Variants in PGM1 observed in about 807,000 individuals in gnomAD.
PGM1 encodes the protein phosphoglucomutase 1, also known as phosphoglucomutase-1.
A neutral mutation model predicts 55.6 loss-of-function variants in PGM1; 52 were observed. The observed-to-expected ratio is 0.94, with a 90% CI of 0.75 to 1.18. The LOEUF (loss-of-function observed/expected upper bound fraction) is 1.18. Among genes scored for constraint, PGM1 ranks in the 50% most tolerant of loss-of-function variants. The pLI, the probability that PGM1 is intolerant of heterozygous loss-of-function variation, is 0.00. For synonymous variants in PGM1, 287 were observed against 271.7 expected (o/e 1.06, Z -0.55); for missense variants, 724 against 729.3 (o/e 0.99, Z 0.08).
rs68091977 is a variant in PGM1, at chr1:63,659,449, CAT to C, written c.1600-136_1600-135del. The C allele has an allele frequency of 4.9e-3, 3,543 of 728,744 alleles. 91 individuals are homozygous for C. In the African/African-American group the frequency reaches 0.055, roughly 11 times the overall value. The allele number at this position is 728,744 out of a possible 1,614,324, so 45.1% of individuals were successfully genotyped here. A position where few individuals can be genotyped will look rare whatever the true frequency, so the allele number is the denominator to read the frequency against. On this transcript the variant is annotated intron_variant, in intron 10 of 10. Transcript: ENST00000371084. Reference sequence around the variant, plus strand: ...TGGAACTAGGTATTGGGGGAAATAACATGTGTTTGTTTTTGGATTTGTGGAGT... The same window carrying C: ...TGGAACTAGGTATTGGGGGAAATAACGTGTTTGTTTTTGGATTTGTGGAGT...
At chr1:63,602,032 G>A (rs959519687) in intron 1 of PGM1, among the ~76,000 whole-genome samples, 2 of 152,214 alleles carry the variant, frequency 1.3e-5, no homozygotes, top group Non-Finnish European at 2.9e-5. Context: ...GCGATAGGTG[G>A]TAGGACAGAA....
rs1486713378 is a variant in PGM1 at position 63,645,979 on chromosome 1, C to T, written c.1145-2538C>T. 5.3e-5 allele frequency among the ~76,000 whole-genome samples: 8 copies of T among 152,264 alleles called. No individual in the cohort carries two copies. In the East Asian group the frequency reaches 1.5e-3, roughly 29 times the overall value. Reference sequence around the variant, plus strand: ...AACAGATGGTTGAGACTCGAGGAGGCTGATGCCACCCCAGATGTTTTGTGC... The same window carrying T: ...AACAGATGGTTGAGACTCGAGGAGGTTGATGCCACCCCAGATGTTTTGTGC... On this transcript the variant is annotated intron_variant, in intron 7 of 10. Coordinates refer to ENST00000371084, the MANE Select transcript of PGM1 (RefSeq NM_002633.3).
intron 10 of PGM1, chr1:63,655,954 A>G (rs770591173): frequency 2.6e-5 from 4 of 152,274 alleles, no homozygotes; most frequent in Non-Finnish European, 5.9e-5. Context: ...TTGGAAACAG[A>G]GCAGGTCAAA....
rs1343814427 is a variant in PGM1, at chr1:63,659,630, G to C, written c.1644G>C (p.Gln548His). The C allele has an allele frequency of 1.2e-6, 2 of 1,614,076 alleles. No individual in the cohort carries two copies. The highest frequency in any genetic ancestry group is 3.3e-5 in the Admixed American group (2 of 60,022). Residue 548 changes from glutamine (Q) to histidine (H), a missense_variant, in exon 11 of 11, where the codon CAG becomes CAC. Transcript: ENST00000371084. ...PLISIALKVS[Q>H]LQERTGRTAP... is the part of the protein sequence containing the mutation. ...TTTCCATTGCTCTGAAAGTGTCCCA[G>C]CTGCAGGAGAGGACGGGACGCACTG...
chr1:63,653,381 T>C (rs1311562404), intron 9 of PGM1, among the ~76,000 whole-genome samples: 1 of 152,200 alleles, frequency 6.6e-6, no homozygotes, highest in Non-Finnish European at 1.5e-5. Flanking sequence ...CTTCCCATAG[T>C]GACTAACTGT....
At chr1:63,637,270 A>C (rs141840233) in intron 6 of PGM1, among the ~76,000 whole-genome samples, 120 of 152,334 alleles carry the variant, frequency 7.9e-4, no homozygotes, top group African/African-American at 2.7e-3. Flanking sequence ...CCATGAGGTA[A>C]ATGCTGTATT....
At chr1:63,594,966 A>AAAAG (rs1441228676) in intron 1 of PGM1, among the ~76,000 whole-genome samples, 21 of 148,946 alleles carry the variant, frequency 1.4e-4, no homozygotes, top group Non-Finnish European at 3.0e-4. Context: ...GTCTCAAAAA[A>AAAAG]AAAAAAAAAG....
chr1:63,629,647 C>T (rs545003850), intron 2 of PGM1, 60 bp downstream of exon 2: 1 of 1,530,036 alleles, frequency 6.5e-7, no homozygotes, highest in African/African-American at 1.4e-5. Flanking sequence ...AAATCAATAC[C>T]TGGAGCCTTG....
chr1:63,614,575 T>C (rs911384552), intron 1 of PGM1, among the ~76,000 whole-genome samples: 2 of 152,220 alleles, frequency 1.3e-5, no homozygotes, highest in South Asian at 2.1e-4. Flanking sequence ...GGTAGCATGA[T>C]AGTTACATGT....
At chr1:63,633,864 CTCTGTGTG>C (rs1649264663) in intron 4 of PGM1, among the ~76,000 whole-genome samples, 1 of 70,150 alleles carries the variant, frequency 1.4e-5, no homozygotes, top group Non-Finnish European at 2.7e-5. Flanking sequence ...GTGTCTGTGT[CTCTGTGTG>C]TGTGTGTGTG....
intron 1 of PGM1, among the ~76,000 whole-genome samples, chr1:63,596,706 A>G (rs969221335): frequency 6.6e-6 from 1 of 151,532 alleles, no homozygotes; most frequent in Non-Finnish European, 1.5e-5. Context: ...CATCCCTACC[A>G]CTCTTCTCCA....
At chr1:63,647,259 C>CACATATAT (rs1649673294) in intron 7 of PGM1, among the ~76,000 whole-genome samples, 1 of 55,446 alleles carries the variant, frequency 1.8e-5, no homozygotes, top group Non-Finnish European at 3.4e-5. Context: ...TAAAATTTTA[C>CACATATAT]ATATATATAT....
intron 4 of PGM1, among the ~76,000 whole-genome samples, chr1:63,633,567 C>G (rs573986858): frequency 6.6e-6 from 1 of 152,260 alleles, no homozygotes; most frequent in South Asian, 2.1e-4. Context: ...AAAATACTCT[C>G]TCAGCATTTC....
At chr1:63,652,616 T>C (rs527522180) in intron 9 of PGM1, among the ~76,000 whole-genome samples, 3 of 152,290 alleles carry the variant, frequency 2.0e-5, no homozygotes, top group African/African-American at 7.2e-5. Flanking sequence ...CATAATAGAA[T>C]AAAGAGCAGG....
At chr1:63,616,454 T>C (rs1226539977) in intron 1 of PGM1, among the ~76,000 whole-genome samples, 2 of 152,192 alleles carry the variant, frequency 1.3e-5, no homozygotes, top group East Asian at 1.9e-4. Flanking sequence ...GCCCTGTGAG[T>C]GCTCATAGCT....
intron 1 of PGM1, among the ~76,000 whole-genome samples, chr1:63,596,193 G>A (rs1270769929): frequency 6.6e-6 from 1 of 150,776 alleles, no homozygotes; most frequent in Non-Finnish European, 1.5e-5. Flanking sequence ...GTTCCTTCAT[G>A]GGCTGCACAT....
intron 4 of PGM1, among the ~76,000 whole-genome samples, chr1:63,633,904 GTGTGTGTGTGTGTGTA>G (rs1331227913): frequency 0.016 from 578 of 35,900 alleles, 10 homozygotes; most frequent in Non-Finnish European, 0.018. Flanking sequence ...GTGTGTGTGT[GTGTGTGTGTGTGTGTA>G]TATATATATA....
Position 63,651,664 on chromosome 1 carries a change from T to C in PGM1, c.1281-5T>C, listed in dbSNP as rs892988009. ...CGTGGGCCTCAACTTCGTGACTTCT[T>C]CCAGGTATGATTACGAGGAGGTGGA... On this transcript the variant is annotated splice_region_variant and splice_polypyrimidine_tract_variant and intron_variant, in intron 8 of 10. Transcript: ENST00000371084. The C allele has an allele frequency of 7.4e-6, 12 of 1,613,262 alleles. No individual in the cohort carries two copies. Among genetic ancestry groups the C allele is most frequent in the Admixed American group, 1.7e-5 (1 of 59,950 alleles).
At position 63,633,932 on chromosome 1, in the gene PGM1, ATTTT is replaced by A. The variant is rs60609353; in HGVS notation, c.683-871_683-868del. Among the ~76,000 whole-genome samples the A allele has an allele frequency of 9.0e-3, 317 of 35,332 alleles. 18 individuals are homozygous for A. The highest frequency in any genetic ancestry group is 0.024 in the Middle Eastern group (1 of 42). The allele number at this position is 35,332 out of a possible 152,430, so 23.2% of individuals were successfully genotyped here. A position where few individuals can be genotyped will look rare whatever the true frequency, so the allele number is the denominator to read the frequency against. Reference sequence around the variant, plus strand: ...TGTGTGTGTGTGTATATATATATATATTTTTTTTTTTTTTTTTTTTTTTTTTTTT... The same window carrying A: ...TGTGTGTGTGTGTATATATATATATATTTTTTTTTTTTTTTTTTTTTTTTT... On this transcript the variant is annotated intron_variant, in intron 4 of 10. Coordinates refer to ENST00000371084, the MANE Select transcript of PGM1 (RefSeq NM_002633.3).
Sources: gnomAD v4.1 joint callset for allele counts (sites outside exome capture counted in the v4.1 genomes callset) on GRCh38, gnomAD v4.1.1 for gene constraint, MANE v1.5 for transcripts, NCBI Gene and HGNC (gene_info 2026-07-23, HGNC 2026-07-21) for gene names.